The following PRKDC variants were observed in gnomAD, a reference collection of about 807,000 sequenced individuals.
PRKDC encodes the protein protein kinase, DNA-activated, catalytic subunit.
A neutral mutation model predicts 486.9 loss-of-function variants in PRKDC; 82 were observed. That is an observed-to-expected ratio of 0.17 (90% confidence interval 0.14 to 0.20). PRKDC has a LOEUF of 0.20. Ranked by LOEUF, PRKDC falls within the 10% of genes least tolerant of loss-of-function variation. The pLI, the probability that PRKDC is intolerant of heterozygous loss-of-function variation, is 1.00. For synonymous variants in PRKDC, 1,895 were observed against 1,837.0 expected (o/e 1.03, Z -0.81); for missense variants, 4,504 against 5,038.2 (o/e 0.89, Z 3.21).
In PRKDC at chr8:47,819,430, C is replaced by T. The variant is rs2087531204; in HGVS notation, c.9417G>A (p.Gln3139=). The T allele has an allele frequency of 8.4e-6, 13 of 1,548,828 alleles. No individual in the cohort carries two copies. Among genetic ancestry groups the T allele is most frequent in the Non-Finnish European group, 1.1e-5 (13 of 1,157,376 alleles). ...LQSVQALTEI[Q]EFISFISKQG... ...GTTTGCTTATAAAGCTGATGAACTC[C>T]TGAATTTCTGTTAAAGCCTGTACAG... is the stretch of plus-strand genomic sequence containing the variant. Residue 3139 remains glutamine (Q), a synonymous_variant, in exon 67 of 86, where the codon CAG becomes CAA. Transcript: ENST00000314191.
At chr8:47,839,921 G>A (rs2088104806) in intron 55 of PRKDC, 95 bp downstream of exon 55, 1 of 968,664 alleles carries the variant, frequency 1.0e-6, no homozygotes, top group Non-Finnish European at 1.5e-6. Flanking sequence ...AGACTGCAGT[G>A]ACCTGTGTTT....
chr8:47,935,792 T>G lies in PRKDC; in HGVS notation c.1387A>C (p.Lys463Gln), dbSNP rs1230671182. The G allele has an allele frequency of 1.1e-5, 17 of 1,613,890 alleles. No individual in the cohort carries two copies. The highest frequency in any genetic ancestry group is 1.2e-5 in the Non-Finnish European group (14 of 1,179,888). Residue 463 changes from lysine to glutamine, a missense_variant, in exon 13 of 86, where the codon AAG becomes CAG. Physicochemically the swap from Lys to Gln is moderately conservative, Grantham distance 53 (BLOSUM62 1). Around this residue, in one of 6 missense-constraint regions of PRKDC, gnomAD observed 1,969 missense variants for 2,068.9 expected, o/e 0.95. Transcript: ENST00000314191. ...TTTGCTGCCAAAGCTAGGAACACCTTCACTATGGCTCTGCAACACACCAGC... is the reference window on the plus strand; with the variant it reads ...TTTGCTGCCAAAGCTAGGAACACCTGCACTATGGCTCTGCAACACACCAGC... ...MQLVCCRAIV[K>Q]VFLALAAKGP...
At chr8:47,876,777 A>C (rs1273426135) in intron 40 of PRKDC, among the ~76,000 whole-genome samples, 1 of 152,206 alleles carries the variant, frequency 6.6e-6, no homozygotes, top group African/African-American at 2.4e-5. Context: ...CCTTCATTAC[A>C]CTGTAATTCC....
intron 25 of PRKDC, among the ~76,000 whole-genome samples, chr8:47,911,581 C>T (rs552086316): frequency 1.4e-4 from 21 of 152,124 alleles, no homozygotes; most frequent in Non-Finnish European, 2.9e-5. Flanking sequence ...AATTTTCCAG[C>T]TGCATTTTGA....
At chr8:47,803,119 T>C (rs1473698699) in intron 70 of PRKDC, among the ~76,000 whole-genome samples, 187 bp downstream of exon 70, 3 of 152,230 alleles carry the variant, frequency 2.0e-5, no homozygotes, top group Non-Finnish European at 4.4e-5. Context: ...TTACATCTTA[T>C]ATGCAAACAC....
At chr8:47,804,806 G>C (rs1165021248) in intron 69 of PRKDC, among the ~76,000 whole-genome samples, 1 of 152,092 alleles carries the variant, frequency 6.6e-6, no homozygotes, top group Non-Finnish European at 1.5e-5. Context: ...CTTGTCACCA[G>C]GCTGGAGCAC....
chr8:47,813,125 T>A (rs1359274882), intron 68 of PRKDC, among the ~76,000 whole-genome samples: 1 of 149,450 alleles, frequency 6.7e-6, no homozygotes, highest in Non-Finnish European at 1.5e-5. Context: ...ATTTATTTAT[T>A]TATTTATTTT....
chr8:47,886,860 T>A (rs559111625), intron 35 of PRKDC, among the ~76,000 whole-genome samples: 105 of 152,230 alleles, frequency 6.9e-4, no homozygotes, highest in African/African-American at 2.3e-3. Context: ...GCTAATTTTT[T>A]AAATTTTTTT....
At chr8:47,914,272 A>C (rs939817801) in intron 23 of PRKDC, among the ~76,000 whole-genome samples, 5 of 152,208 alleles carry the variant, frequency 3.3e-5, no homozygotes, top group Admixed American at 3.3e-4. Flanking sequence ...AATTACTTTT[A>C]AACAAGCCTA....
intron 10 of PRKDC, among the ~76,000 whole-genome samples, chr8:47,942,273 A>C (rs1255483484): frequency 6.6e-6 from 1 of 152,220 alleles, no homozygotes; most frequent in African/African-American, 2.4e-5. Flanking sequence ...GTTTTATGAG[A>C]AGGACCAAGG....
At chr8:47,914,751 A>T (rs1444328212) in intron 23 of PRKDC, among the ~76,000 whole-genome samples, 6 of 151,860 alleles carry the variant, frequency 4.0e-5, no homozygotes, top group Non-Finnish European at 7.4e-5. Context: ...CAGTGAGCCA[A>T]GATTGTGCCA....
At chr8:47,849,058 T>C (rs572128994) in intron 54 of PRKDC, 96 bp downstream of exon 54, 15 of 1,455,722 alleles carry the variant, frequency 1.0e-5, no homozygotes, top group East Asian at 2.3e-5. Flanking sequence ...GTGTATATCA[T>C]GGAAACCCAC....
In PRKDC at chr8:47,794,284, ACC is replaced by A; in HGVS notation, c.10670+4_10670+5del. The stretch of plus-strand genomic sequence containing the variant: ...ATCAACCTATTCCTTCTGTAATATT[ACC>A]TACCTTGCCACAAACTCCTTATTCT... On this transcript the variant is annotated splice_donor_5th_base_variant and intron_variant, in intron 74 of 85. Coordinates refer to ENST00000314191, the MANE Select transcript of PRKDC (RefSeq NM_006904.7). The A allele has an allele frequency of 6.2e-7, 1 of 1,602,874 alleles. No homozygotes were observed. The highest frequency in any genetic ancestry group is 8.5e-7 in the Non-Finnish European group (1 of 1,171,778).
intron 10 of PRKDC, among the ~76,000 whole-genome samples, chr8:47,941,086 C>T (rs553361292): frequency 4.3e-4 from 64 of 150,572 alleles, no homozygotes; most frequent in Middle Eastern, 3.4e-3. Context: ...CCCAAGCTTG[C>T]GCTACTGCAC....
chr8:47,896,546 A>C (rs1188901685), intron 30 of PRKDC, among the ~76,000 whole-genome samples: 2 of 150,410 alleles, frequency 1.3e-5, no homozygotes, highest in African/African-American at 4.9e-5. Context: ...ACTTGGGAGG[A>C]TGAGGCAAGA....
chr8:47,781,414 G>C (rs2086697387), intron 80 of PRKDC, among the ~76,000 whole-genome samples: 1 of 152,270 alleles, frequency 6.6e-6, no homozygotes, highest in East Asian at 1.9e-4. Flanking sequence ...AGGGAACACT[G>C]CTCCTATTTA....
At chr8:47,930,848 T>A in intron 16 of PRKDC, 61 bp from the exon 17 acceptor site, 1 of 1,462,446 alleles carries the variant, frequency 6.8e-7, no homozygotes, top group Non-Finnish European at 9.2e-7. Context: ...ACTCAACAAA[T>A]AACTTTCCAA....
intron 68 of PRKDC, among the ~76,000 whole-genome samples, chr8:47,810,530 A>G (rs2087304597): frequency 6.6e-6 from 1 of 152,228 alleles, no homozygotes; most frequent in South Asian, 2.1e-4. Flanking sequence ...TTCACAAGTT[A>G]CATTCAAAAA....
At position 47,858,891 on chromosome 8, in the gene PRKDC, G is replaced by T. The variant is rs769866046; in HGVS notation, c.6303C>A (p.Val2101=). The change falls in exon 47 of 86, where the codon GTC becomes GTA. Residue 2101 remains valine, a synonymous_variant. Coordinates refer to ENST00000314191, the MANE Select transcript of PRKDC (RefSeq NM_006904.7). ...GGCCCAGGCTTCTGTGCATGTGCTTGACCAGGGCCGTCAGGGGCGCCATGC... is the reference window on the plus strand; with the variant it reads ...GGCCCAGGCTTCTGTGCATGTGCTTTACCAGGGCCGTCAGGGGCGCCATGC... ...HECMAPLTAL[V]KHMHRSLGPP... 3 of 1,613,832 alleles carry T rather than the reference G, an allele frequency of 1.9e-6. No homozygotes were observed. The highest frequency in any genetic ancestry group is 3.3e-5 in the Admixed American group (2 of 60,020).
Sources: gnomAD v4.1 joint callset for allele counts (sites outside exome capture counted in the v4.1 genomes callset) on GRCh38, gnomAD v4.1.1 for gene constraint, gnomAD v4.1.1 regional missense constraint, MANE v1.5 for transcripts, NCBI Gene and HGNC (gene_info 2026-07-23, HGNC 2026-07-21) for gene names.